Variants in ARHGAP21 observed in about 807,000 individuals in gnomAD.
The protein encoded by ARHGAP21 is rho GTPase-activating protein 21.
A neutral mutation model predicts 164.6 loss-of-function variants in ARHGAP21; 38 were observed. The observed-to-expected ratio is 0.23, with a 90% CI of 0.18 to 0.30. The LOEUF (loss-of-function observed/expected upper bound fraction) is 0.30, where lower values mean the gene tolerates loss of function less well. Ranked by LOEUF, ARHGAP21 falls within the 10% of genes least tolerant of loss-of-function variation. The pLI is 1.00. For synonymous variants in ARHGAP21, 766 were observed against 857.9 expected (o/e 0.89, Z 1.87); for missense variants, 1,822 against 2,370.7 (o/e 0.77, Z 4.81).
At position 24,607,372 on chromosome 10, in the gene ARHGAP21, T is replaced by A. The variant is rs541095722; in HGVS notation, c.2684+127A>T. On this transcript the variant is annotated intron_variant, in intron 11 of 25. Transcript: ENST00000396432. ...TTTAATGTTACCATTAACAACTTTA[T>A]TTATTTGCATTTCTAATGTCAAAGT... 6.1e-5 allele frequency: 48 copies of A among 780,838 alleles called. No homozygotes were observed. The East Asian group carries it at 1.3e-3, about 20-fold the overall frequency. The allele number at this position is 780,838 out of a possible 1,614,324, so 48.4% of individuals were successfully genotyped here.
chr10:24,632,649 C>T lies in ARHGAP21; in HGVS notation c.440+753G>A, dbSNP rs1835956225. On this transcript the variant is annotated intron_variant, in intron 6 of 25. Coordinates refer to ENST00000396432, the MANE Select transcript of ARHGAP21 (RefSeq NM_020824.4). ...AAATGAACTGCACTTGAATTACAGA[C>T]AGGTGAGTTTGGCCAACAGAAAGCA... Among the ~76,000 whole-genome samples, 3 of 152,294 alleles carry T rather than the reference C, an allele frequency of 2.0e-5. No homozygotes were observed. The South Asian group carries it at 6.2e-4, about 32-fold the overall frequency.
chr10:24,632,087 G>C (rs1189828796), intron 6 of ARHGAP21, among the ~76,000 whole-genome samples: 3 of 152,074 alleles, frequency 2.0e-5, no homozygotes, highest in East Asian at 3.8e-4. Context: ...TTACCCATTT[G>C]CTACCAACTG....
intron 4 of ARHGAP21, among the ~76,000 whole-genome samples, chr10:24,666,549 T>C (rs888140145): frequency 6.6e-6 from 1 of 152,234 alleles, no homozygotes; most frequent in Non-Finnish European, 1.5e-5. Flanking sequence ...CCTTTTACGT[T>C]CATTAATGTT....
chr10:24,600,290 C>T (rs142047192), intron 14 of ARHGAP21, among the ~76,000 whole-genome samples: 145 of 152,086 alleles, frequency 9.5e-4, no homozygotes, highest in African/African-American at 3.3e-3. Flanking sequence ...GTTATTTATA[C>T]TGGTAAGTAT....
intron 13 of ARHGAP21, among the ~76,000 whole-genome samples, chr10:24,601,375 C>T (rs1217281720): frequency 6.6e-6 from 1 of 152,168 alleles, no homozygotes; most frequent in Non-Finnish European, 1.5e-5. Flanking sequence ...CTTTATATGG[C>T]TAAGCAACTC....
rs747809170 is a variant in ARHGAP21 at position 24,602,003 on chromosome 10, C to A, written c.2822G>T (p.Arg941Leu). 3 of 1,611,376 alleles carry A rather than the reference C, an allele frequency of 1.9e-6. No individual in the cohort carries two copies. The highest frequency in any genetic ancestry group is 3.3e-5 in the Admixed American group (2 of 59,930). Reference protein sequence around the residue: ...DAAKEGWLHFRPLVTDKGKRV... With the variant: ...DAAKEGWLHFLPLVTDKGKRV... Reference sequence around the variant, plus strand: ...CTTGCCCTTATCGGTGACAAGGGGTCGGAAATGAAGCCACCCTTCCTTGGC... The same window carrying A: ...CTTGCCCTTATCGGTGACAAGGGGTAGGAAATGAAGCCACCCTTCCTTGGC... Residue 941 changes from arginine (R) to leucine (L), a missense_variant, in exon 13 of 26, where the codon CGA becomes CTA. Coordinates refer to ENST00000396432, the MANE Select transcript of ARHGAP21 (RefSeq NM_020824.4).
chr10:24,702,190 G>A (rs1024600796), intron 2 of ARHGAP21, among the ~76,000 whole-genome samples: 30 of 133,584 alleles, frequency 2.2e-4, no homozygotes, highest in African/African-American at 7.9e-4. Flanking sequence ...GAGTGCAGTG[G>A]CGCGATCTCG....
At chr10:24,631,757 A>G (rs528565733) in intron 6 of ARHGAP21, among the ~76,000 whole-genome samples, 6 of 152,280 alleles carry the variant, frequency 3.9e-5, no homozygotes, top group Admixed American at 3.3e-4. Flanking sequence ...TCACTCTGAC[A>G]CTCAGGCTAG....
intron 7 of ARHGAP21, chr10:24,628,869 A>G (rs1007206360): frequency 1.7e-5 from 2 of 119,208 alleles, no homozygotes; most frequent in African/African-American, 6.6e-5. Flanking sequence ...ACACATATAT[A>G]CATACATATA....
chr10:24,657,376 G>C, intron 4 of ARHGAP21, among the ~76,000 whole-genome samples: 1 of 77,288 alleles, frequency 1.3e-5, no homozygotes, highest in Non-Finnish European at 2.6e-5. Context: ...GCCCCTACTG[G>C]GAAGTGAGGA....
Position 24,620,058 on chromosome 10 carries a change from G to A in ARHGAP21, c.1837C>T (p.Gln613Ter). The part of the protein sequence containing the change: ...CGMSLPRGIS[Q>*]DRSPLVKVRS... ...ACTTTCACAAGAGGTGACCTGTCTT[G>A]TGAAATACCCCGAGGCAGTGACATT... The change falls in exon 9 of 26, where the codon CAA becomes TAA. Residue 613 changes from glutamine (Q) to a stop codon, truncating the protein, a stop_gained. Coordinates refer to ENST00000396432, the MANE Select transcript of ARHGAP21 (RefSeq NM_020824.4). LOFTEE classifies it high-confidence loss of function. 1.2e-6 allele frequency: 2 copies of A among 1,613,942 alleles called. No homozygotes were observed. The highest frequency in any genetic ancestry group is 1.7e-6 in the Non-Finnish European group (2 of 1,179,866).
chr10:24,684,164 G>A (rs1593278712), intron 2 of ARHGAP21, among the ~76,000 whole-genome samples: 1 of 152,194 alleles, frequency 6.6e-6, no homozygotes, highest in East Asian at 1.9e-4. Context: ...GTGCACGCCT[G>A]TAATTCCAGG....
intron 4 of ARHGAP21, among the ~76,000 whole-genome samples, chr10:24,649,449 A>C (rs1837934780): frequency 6.6e-6 from 1 of 152,194 alleles, no homozygotes; most frequent in Non-Finnish European, 1.5e-5. Context: ...GTAACTACAA[A>C]TAATGCCCCC....
At position 24,631,885 on chromosome 10, in the gene ARHGAP21, C is replaced by A. The variant is rs546252198; in HGVS notation, c.440+1517G>T. Among the ~76,000 whole-genome samples the A allele has an allele frequency of 2.6e-5, 4 of 152,218 alleles. No homozygotes were observed. In the East Asian group the frequency reaches 5.8e-4, roughly 22 times the overall value. ...CTGGGACAACAGACACACACCAGCA[C>A]GCCCAGCTAATTTTTTGTAGAGACA... On this transcript the variant is annotated intron_variant, in intron 6 of 25. Coordinates refer to ENST00000396432, the MANE Select transcript of ARHGAP21 (RefSeq NM_020824.4).
chr10:24,590,401 C>T, intron 24 of ARHGAP21: 2 of 1,535,382 alleles, frequency 1.3e-6, no homozygotes, highest in South Asian at 2.4e-5. Flanking sequence ...CTCCTTCTTC[C>T]TACAGTTCCA....
At chr10:24,697,585 G>A (rs892994056) in intron 2 of ARHGAP21, among the ~76,000 whole-genome samples, 3 of 151,986 alleles carry the variant, frequency 2.0e-5, no homozygotes, top group African/African-American at 4.8e-5. Flanking sequence ...GGCCAGGCAC[G>A]GTGGTTCATA....
intron 4 of ARHGAP21, among the ~76,000 whole-genome samples, chr10:24,666,376 G>A (rs1840202642): frequency 6.6e-6 from 1 of 152,072 alleles, no homozygotes; most frequent in Non-Finnish European, 1.5e-5. Flanking sequence ...GTAAAATAAA[G>A]GATACATGAA....
At chr10:24,647,637 C>G (rs994247254) in intron 4 of ARHGAP21, among the ~76,000 whole-genome samples, 3 of 152,136 alleles carry the variant, frequency 2.0e-5, no homozygotes, top group Non-Finnish European at 2.9e-5. Context: ...CCCAGTGCAC[C>G]TCCCTTTATT....
intron 2 of ARHGAP21, among the ~76,000 whole-genome samples, chr10:24,683,916 A>T (rs1842001789): frequency 6.6e-6 from 1 of 152,218 alleles, no homozygotes; most frequent in African/African-American, 2.4e-5. Flanking sequence ...TTTTAGAGAA[A>T]AACAAATCAA....
Sources: allele counts gnomAD v4.1 joint callset (sites outside exome capture counted in the v4.1 genomes callset), GRCh38; gene constraint gnomAD v4.1.1; transcripts MANE v1.5; gene names NCBI Gene and HGNC (gene_info 2026-07-23, HGNC 2026-07-21).